Variants in TTC27 observed in about 807,000 individuals in gnomAD.
TTC27 encodes tetratricopeptide repeat protein 27.
A neutral mutation model predicts 115.9 loss-of-function variants in TTC27; 79 were observed. The ratio of observed to expected loss-of-function variants is 0.68; its 90% CI spans 0.57 to 0.82. TTC27 has a LOEUF of 0.82. Among genes scored for constraint, TTC27 ranks in the 40% least tolerant of loss-of-function variants. The pLI is 0.00. For synonymous variants in TTC27, 401 were observed against 356.0 expected, an observed-to-expected ratio of 1.13 and a Z score of -1.42; for missense variants, 1,054 against 993.1, an observed-to-expected ratio of 1.06 and a Z score of -0.82.
At chr2:32,767,443 G>GTTTTTTTTTTTTTTTTTTTTTTTTTTTT (rs150586627) in intron 13 of TTC27, among the ~76,000 whole-genome samples, 1 of 112,208 alleles carries the variant, frequency 8.9e-6, no homozygotes, top group Non-Finnish European at 1.9e-5. Context: ...ATATTTATAA[G>GTTTTTTTTTTTTTTTTTTTTTTTTTTTT]TTTTTTTTTG....
chr2:32,631,701 T>C (rs1664220296), intron 2 of TTC27, among the ~76,000 whole-genome samples: 1 of 152,200 alleles, frequency 6.6e-6, no homozygotes, highest in African/African-American at 2.4e-5. Context: ...TTGTAGTAGA[T>C]GTGGAGGTTC....
intron 4 of TTC27, among the ~76,000 whole-genome samples, chr2:32,648,622 G>A (rs529886879): frequency 2.0e-5 from 3 of 151,662 alleles, no homozygotes; most frequent in South Asian, 4.2e-4. Context: ...TTTTTTTTAA[G>A]TAAATATATG....
chr2:32,760,310 G>C (rs1230123800), intron 13 of TTC27, among the ~76,000 whole-genome samples: 1 of 152,202 alleles, frequency 6.6e-6, no homozygotes, highest in African/African-American at 2.4e-5. Flanking sequence ...GTATACTAAG[G>C]AATTGGTTTT....
chr2:32,707,796 A>G (rs181448666), intron 10 of TTC27, among the ~76,000 whole-genome samples: 1 of 152,254 alleles, frequency 6.6e-6, no homozygotes, highest in East Asian at 1.9e-4. Flanking sequence ...CTCAGTAGCA[A>G]CAAGCACATC....
chr2:32,740,055 A>C (rs1318847943), intron 12 of TTC27, among the ~76,000 whole-genome samples: 1 of 152,260 alleles, frequency 6.6e-6, no homozygotes, highest in Non-Finnish European at 1.5e-5. Flanking sequence ...CCATAGGCAA[A>C]ATAGCTAAGA....
chr2:32,711,982 C>T (rs1667597275), intron 10 of TTC27, among the ~76,000 whole-genome samples: 1 of 151,770 alleles, frequency 6.6e-6, no homozygotes, highest in Admixed American at 6.6e-5. Context: ...CTAGAAAGGA[C>T]CCCCTTAGGA....
At chr2:32,747,509 T>A (rs1018262293) in intron 12 of TTC27, among the ~76,000 whole-genome samples, 1 of 152,186 alleles carries the variant, frequency 6.6e-6, no homozygotes, top group African/African-American at 2.4e-5. Flanking sequence ...AAAAGCAGAA[T>A]GATTATATGG....
chr2:32,818,239 A>C (rs1259163404), intron 19 of TTC27, among the ~76,000 whole-genome samples: 1 of 152,236 alleles, frequency 6.6e-6, no homozygotes, highest in African/African-American at 2.4e-5. Context: ...GAAAAAAAGC[A>C]GACTAGCTCA....
rs1484647038 is a variant in TTC27, at chr2:32,664,369, A to G, written c.707A>G (p.Glu236Gly). The change falls in exon 6 of 20, where the codon GAA (glutamate) becomes GGA (glycine). Residue 236 changes from glutamate to glycine, a missense_variant. Glu to Gly is a moderately conservative substitution (Grantham distance 98). Transcript: ENST00000317907. The part of the protein sequence containing the change: ...GRYLAIQFHL[E>G]CAYVFLYYYE... ...TATTTGGCTATTCAATTCCATCTGG[A>G]ATGTGCATATGTGTTTTTATATTAT... 6.2e-7 allele frequency: 1 copy of G among 1,612,168 alleles called. No homozygotes were observed. Among genetic ancestry groups the G allele is most frequent in the Non-Finnish European group, 8.5e-7 (1 of 1,179,096 alleles).
At chr2:32,782,785 C>T (rs868156752) in intron 15 of TTC27, 107 bp downstream of exon 15, 4 of 855,964 alleles carry the variant, frequency 4.7e-6, no homozygotes, top group Middle Eastern at 6.3e-4. Flanking sequence ...ACCTTTCTCG[C>T]CCATGTATAT....
chr2:32,705,302 C>G (rs1667329253), intron 10 of TTC27, among the ~76,000 whole-genome samples: 1 of 152,136 alleles, frequency 6.6e-6, no homozygotes, highest in South Asian at 2.1e-4. Context: ...CATGCTTGTA[C>G]AGCCTGCAGA....
intron 7 of TTC27, among the ~76,000 whole-genome samples, chr2:32,672,047 C>T (rs1666032960): frequency 6.6e-6 from 1 of 152,116 alleles, no homozygotes; most frequent in Admixed American, 6.5e-5. Flanking sequence ...AGCTGTTATT[C>T]CCTATTATTG....
At chr2:32,752,024 T>C (rs1226214539) in intron 12 of TTC27, among the ~76,000 whole-genome samples, 3 of 152,222 alleles carry the variant, frequency 2.0e-5, no homozygotes, top group Non-Finnish European at 4.4e-5. Context: ...AGATCCATGC[T>C]AGTCTGACCT....
chr2:32,688,037 T>G (rs1348910411), intron 9 of TTC27, among the ~76,000 whole-genome samples: 1 of 152,118 alleles, frequency 6.6e-6, no homozygotes, highest in South Asian at 2.1e-4. Flanking sequence ...TACTGGGACA[T>G]AAAACAAATC....
At chr2:32,715,450 G>A (rs1667722323) in intron 10 of TTC27, among the ~76,000 whole-genome samples, 1 of 152,034 alleles carries the variant, frequency 6.6e-6, no homozygotes, top group African/African-American at 2.4e-5. Flanking sequence ...TTTTGTACCA[G>A]TACCATGCTA....
At chr2:32,773,914 G>C (rs1002549088) in intron 13 of TTC27, among the ~76,000 whole-genome samples, 9 of 152,192 alleles carry the variant, frequency 5.9e-5, no homozygotes, top group African/African-American at 2.2e-4. Context: ...GTGTAACTGT[G>C]TTAATAATGG....
chr2:32,766,935 A>C (rs1360524593), intron 13 of TTC27, among the ~76,000 whole-genome samples: 1 of 151,976 alleles, frequency 6.6e-6, no homozygotes, highest in Non-Finnish European at 1.5e-5. Context: ...ATAGGCATGC[A>C]CCACCACGAC....
chr2:32,783,443 G>A (rs3931462), intron 15 of TTC27, among the ~76,000 whole-genome samples: 40,987 of 152,158 alleles, frequency 0.27, 5,875 homozygotes, highest in South Asian at 0.49. Flanking sequence ...GTCCAGCTAT[G>A]ATGTGAAATA....
rs141543929 is a variant in TTC27, at chr2:32,643,681, T to C, written c.537+3271T>C. ...TTATTTTCTTTCTAGTGAGAACTTATGGTCACTAATGAATGAGTGAGACGG... is the reference window on the plus strand; with the variant it reads ...TTATTTTCTTTCTAGTGAGAACTTACGGTCACTAATGAATGAGTGAGACGG... On this transcript the variant is annotated intron_variant, in intron 4 of 19. Coordinates refer to ENST00000317907, the MANE Select transcript of TTC27 (RefSeq NM_017735.5). Among the ~76,000 whole-genome samples the C allele has an allele frequency of 9.6e-3, 1,466 of 152,280 alleles. 13 individuals carry two copies. The highest frequency in any genetic ancestry group is 0.027 in the Middle Eastern group (8 of 294).
Sources: allele counts gnomAD v4.1 joint callset (sites outside exome capture counted in the v4.1 genomes callset), GRCh38; gene constraint gnomAD v4.1.1; transcripts MANE v1.5; gene names NCBI Gene and HGNC (gene_info 2026-07-23, HGNC 2026-07-21).